GSDMC: variants seen among roughly 807,000 people sequenced by gnomAD.
The protein encoded by GSDMC is gasdermin C, also known as gasdermin-C.
GSDMC carries 59 observed loss-of-function variants against 58.0 expected under a neutral mutation model. The ratio of observed to expected loss-of-function variants is 1.02; its 90% CI spans 0.82 to 1.26. The LOEUF is 1.26. Among genes scored for constraint, GSDMC ranks in the 50% most tolerant of loss-of-function variants. The probability of loss-of-function intolerance (pLI) is 0.00; values close to 1 mark genes in which losing one functional copy is unlikely to be tolerated. For synonymous variants in GSDMC, 241 were observed against 220.2 expected, an observed-to-expected ratio of 1.09 and a Z score of -0.83; for missense variants, 659 against 598.5, an observed-to-expected ratio of 1.10 and a Z score of -1.06.
At chr8:129,736,342 A>C in the GSDMC span, among the ~76,000 whole-genome samples, 189 of 152,336 alleles carry the variant, frequency 1.2e-3, no homozygotes, top group Admixed American at 3.5e-3. Flanking sequence ...ACAAAAAAAG[A>C]GAATTTTAGA....
At position 129,786,274 on chromosome 8, in the gene GSDMC, G is replaced by T. The variant is rs928845134; in HGVS notation, c.-268C>A. 7 of 151,894 alleles carry T rather than the reference G, an allele frequency of 4.6e-5. No individual in the cohort carries two copies. The highest frequency in any genetic ancestry group is 1.7e-4 in the African/African-American group (7 of 41,298). 9.4% of individuals were successfully genotyped at this position (151,894 alleles called of 1,614,324 possible). ...TTGAACCCGGGAGGCAGAGGTTGCA[G>T]TGAGCTGAGACCATGCCGCTGCACT... On this transcript the variant is annotated 5_prime_UTR_variant, in exon 1 of 14. In the 5' UTR this introduces an upstream ATG that the reference lacks. Transcript: ENST00000276708.
chr8:129,739,197 G>C, the GSDMC span, among the ~76,000 whole-genome samples: 1 of 152,168 alleles, frequency 6.6e-6, no homozygotes, highest in African/African-American at 2.4e-5. Flanking sequence ...AGGTGAGAAT[G>C]CCCTGAGATG....
chr8:129,726,273 T>C, the GSDMC span, among the ~76,000 whole-genome samples: 2 of 152,220 alleles, frequency 1.3e-5, no homozygotes, highest in Non-Finnish European at 2.9e-5. Flanking sequence ...GGAGGTTCTA[T>C]TCTGATATTA....
chr8:129,735,865 G>A, the GSDMC span, among the ~76,000 whole-genome samples: 1 of 152,090 alleles, frequency 6.6e-6, no homozygotes, highest in African/African-American at 2.4e-5. Flanking sequence ...ATGAATCCAG[G>A]AACTTGTTTT....
chr8:129,730,333 A>T, the GSDMC span: 1 of 1,344,204 alleles, frequency 7.4e-7, no homozygotes, highest in South Asian at 1.3e-5. Flanking sequence ...AAGTCACTGC[A>T]TGATCTTGAA....
intron 3 of GSDMC, among the ~76,000 whole-genome samples, chr8:129,768,014 G>T (rs2033925066): frequency 1.3e-5 from 2 of 152,082 alleles, no homozygotes; most frequent in Non-Finnish European, 2.9e-5. Context: ...CTATGAAGGA[G>T]CCCAGCCAGT....
At chr8:129,730,047 C>A in the GSDMC span, 1 of 1,191,720 alleles carries the variant, frequency 8.4e-7, no homozygotes, top group African/African-American at 1.5e-5. Context: ...AAGGAGTATT[C>A]CTTGAAAATA....
the GSDMC span, among the ~76,000 whole-genome samples, chr8:129,733,256 C>T: frequency 3.3e-5 from 5 of 152,366 alleles, no homozygotes; most frequent in South Asian, 1.0e-3. Context: ...CAAAAGGCAG[C>T]AGAAACTTCT....
chr8:129,768,438 A>G (rs868334682), intron 3 of GSDMC, among the ~76,000 whole-genome samples: 1 of 152,242 alleles, frequency 6.6e-6, no homozygotes, highest in Non-Finnish European at 1.5e-5. Flanking sequence ...CAGAAGTTCA[A>G]TGAACTACAA....
chr8:129,750,533 T>C lies in GSDMC; in HGVS notation c.981A>G (p.Ile327Met), dbSNP rs761139010. The C allele has an allele frequency of 1.9e-6, 3 of 1,614,078 alleles. No homozygotes were observed. Among genetic ancestry groups the C allele is most frequent in the Non-Finnish European group, 2.5e-6 (3 of 1,179,904 alleles). ...CCTTTGAGAGCTGAGCCAGTGTCTTTATTTTCTGGAAAACCTCCTCTTGTA... is the reference window on the plus strand; with the variant it reads ...CCTTTGAGAGCTGAGCCAGTGTCTTCATTTTCTGGAAAACCTCCTCTTGTA... ...KHLQEEVFQK[I>M]KTLAQLSKDV... Residue 327 changes from isoleucine (I) to methionine (M), a missense_variant, in exon 11 of 14, where the codon ATA becomes ATG. Coordinates refer to ENST00000276708, the MANE Select transcript of GSDMC (RefSeq NM_031415.3).
the GSDMC span, among the ~76,000 whole-genome samples, chr8:129,737,749 T>C: frequency 2.6e-5 from 4 of 152,158 alleles, no homozygotes; most frequent in African/African-American, 9.7e-5. Context: ...GACATAGGCA[T>C]GGGCAAGAAC....
chr8:129,750,079 C>T lies in GSDMC; in HGVS notation c.1124G>A (p.Gly375Asp). Reference sequence around the variant, plus strand: ...CTGTTGAAGTTTCTTTAGGATGGCACCACCAGGGCCATCCAAATGACCTGA... The same window carrying T: ...CTGTTGAAGTTTCTTTAGGATGGCATCACCAGGGCCATCCAAATGACCTGA... Reference protein sequence around the residue: ...DSSGHLDGPGGAILKKLQQDS... With the variant: ...DSSGHLDGPGDAILKKLQQDS... The change falls in exon 12 of 14, where the codon GGT becomes GAT. Residue 375 changes from glycine to aspartate, a missense_variant. By Grantham distance (94) the Gly-to-Asp change is moderately conservative (BLOSUM62 -1). Transcript: ENST00000276708. 6.2e-7 allele frequency: 1 copy of T among 1,601,866 alleles called. No homozygotes were observed. Among genetic ancestry groups the T allele is most frequent in the African/African-American group, 1.3e-5 (1 of 74,274 alleles).
At chr8:129,747,671 G>A (rs2032998319), downstream of GSDMC, among the ~76,000 whole-genome samples, 2 of 152,158 alleles carry the variant, frequency 1.3e-5, no homozygotes, top group Non-Finnish European at 2.9e-5. Flanking sequence ...GCTGTGATAT[G>A]AGCCTCCAGG....
chr8:129,741,862 T>C, the GSDMC span, among the ~76,000 whole-genome samples: 25 of 148,996 alleles, frequency 1.7e-4, no homozygotes, highest in Non-Finnish European at 3.4e-4. Flanking sequence ...TTATTTACAA[T>C]AGATGAAACC....
chr8:129,780,265 C>T (rs2034366439), intron 1 of GSDMC, among the ~76,000 whole-genome samples: 1 of 151,940 alleles, frequency 6.6e-6, no homozygotes, highest in Non-Finnish European at 1.5e-5. Flanking sequence ...AGTAAGATAC[C>T]AATATTCAAG....
chr8:129,773,805 C>T (rs1472248732), intron 3 of GSDMC, among the ~76,000 whole-genome samples: 1 of 145,656 alleles, frequency 6.9e-6, no homozygotes, highest in Non-Finnish European at 1.5e-5. Flanking sequence ...AAAAAAAAGT[C>T]CGTTTATAAT....
rs59634816 is a variant in GSDMC, at chr8:129,769,084, AAGGAG to A, written c.405-3296_405-3292del. Among the ~76,000 whole-genome samples, 388 of 145,692 alleles carry A rather than the reference AAGGAG, an allele frequency of 2.7e-3. 4 individuals carry two copies. The South Asian group carries it at 0.034, about 13-fold the overall frequency. ...CAGGGCAAGACCCTGTCACAAAGGA[AAGGAG>A]AGGAGAGGAGAGGAGAGGAGAGGAG... is the stretch of plus-strand genomic sequence containing the variant. On this transcript the variant is annotated intron_variant, in intron 3 of 13. Transcript: ENST00000276708.
At chr8:129,749,096 C>T (rs2033064763) in intron 13 of GSDMC, among the ~76,000 whole-genome samples, 1 of 152,112 alleles carries the variant, frequency 6.6e-6, no homozygotes, top group South Asian at 2.1e-4. Flanking sequence ...ATTAGCAAAT[C>T]ATAACAGTGT....
chr8:129,714,970 A>C, the GSDMC span, among the ~76,000 whole-genome samples: 301 of 152,352 alleles, frequency 2.0e-3, 1 homozygote, highest in African/African-American at 6.7e-3. Context: ...CATAATATAC[A>C]TGTCAATTAT....
Sources: gnomAD v4.1 joint callset for allele counts (sites outside exome capture counted in the v4.1 genomes callset) on GRCh38, gnomAD v4.1.1 for gene constraint, MANE v1.5 for transcripts, NCBI Gene and HGNC (gene_info 2026-07-23, HGNC 2026-07-21) for gene names.